Variants in CAST observed in about 807,000 individuals in gnomAD.
The protein encoded by CAST is MIR583 host.
In CAST, 76 loss-of-function variants were observed where a neutral mutation model predicts 119.6. The ratio of observed to expected loss-of-function variants is 0.64; its 90% CI spans 0.53 to 0.77. The LOEUF is 0.77. Ranked by LOEUF, CAST falls within the 30% of genes least tolerant of loss-of-function variation. The pLI is 0.00. For missense variants in CAST, 953 were observed against 946.5 expected, an observed-to-expected ratio of 1.01 and a Z score of -0.09; for synonymous variants, 319 against 331.6, an observed-to-expected ratio of 0.96 and a Z score of 0.41.
At chr5:96,062,525 C>T in the CAST span, among the ~76,000 whole-genome samples, 6 of 152,084 alleles carry the variant, frequency 3.9e-5, no homozygotes, top group Admixed American at 1.3e-4. Flanking sequence ...GTTTAGAGGT[C>T]CTGCTTCTCA....
At chr5:96,668,659 T>G (rs7704167) in intron 1 of CAST, among the ~76,000 whole-genome samples, 1 of 152,050 alleles carries the variant, frequency 6.6e-6, no homozygotes, top group African/African-American at 2.4e-5. Flanking sequence ...ACTGAAAAAT[T>G]AAATTATCTG....
chr5:96,363,816 A>C, the CAST span, among the ~76,000 whole-genome samples: 1 of 152,124 alleles, frequency 6.6e-6, no homozygotes, highest in Non-Finnish European at 1.5e-5. Flanking sequence ...TCCTAATTGA[A>C]TACCCTTTAT....
At chr5:96,134,070 G>T in the CAST span, among the ~76,000 whole-genome samples, 1 of 152,158 alleles carries the variant, frequency 6.6e-6, no homozygotes, top group African/African-American at 2.4e-5. Flanking sequence ...TACAGTGAGG[G>T]AACTAACACC....
At chr5:96,562,819 G>T (rs1173213069) in intron 1 of CAST, among the ~76,000 whole-genome samples, 2 of 152,178 alleles carry the variant, frequency 1.3e-5, no homozygotes, top group Non-Finnish European at 2.9e-5. Context: ...ACAAAATGAG[G>T]CAGCTCACTT....
At chr5:96,498,167 G>T in the CAST span, among the ~76,000 whole-genome samples, 4 of 152,164 alleles carry the variant, frequency 2.6e-5, no homozygotes, top group African/African-American at 9.7e-5. Context: ...AGATCAGATG[G>T]TTGTAGATAT....
chr5:96,756,478 T>A (rs1766353505), intron 22 of CAST, among the ~76,000 whole-genome samples: 1 of 152,214 alleles, frequency 6.6e-6, no homozygotes, highest in African/African-American at 2.4e-5. Flanking sequence ...GATTTCAGAC[T>A]TTTCTGGATT....
the CAST span, among the ~76,000 whole-genome samples, chr5:96,240,175 T>A: frequency 6.6e-6 from 1 of 152,214 alleles, no homozygotes; most frequent in East Asian, 1.9e-4. Flanking sequence ...TGCTTATCAT[T>A]TTTATTTGAG....
At chr5:96,379,971 G>C in the CAST span, among the ~76,000 whole-genome samples, 1 of 152,112 alleles carries the variant, frequency 6.6e-6, no homozygotes. Flanking sequence ...ACCATTTCTG[G>C]TTCAATGTAG....
intron 1 of CAST, among the ~76,000 whole-genome samples, chr5:96,565,900 T>C (rs933998795): frequency 3.3e-5 from 5 of 152,200 alleles, no homozygotes; most frequent in African/African-American, 1.2e-4. Context: ...ACAGGCATAT[T>C]TCCAACTGGC....
chr5:96,425,841 C>T, the CAST span: 363 of 1,597,280 alleles, frequency 2.3e-4, no homozygotes, highest in Non-Finnish European at 2.8e-4. Context: ...GCTGATTCCA[C>T]ATGGGATCAT....
chr5:96,468,136 C>A, the CAST span, among the ~76,000 whole-genome samples: 59 of 152,048 alleles, frequency 3.9e-4, no homozygotes, highest in African/African-American at 1.3e-3. Context: ...GAATGAAAAA[C>A]CAAATGCTGT....
intron 25 of CAST, chr5:96,763,054 C>T (rs3822682): frequency 0.083 from 62,542 of 757,636 alleles, 3,133 homozygotes; most frequent in African/African-American, 0.14. Context: ...TGCCCTAAAC[C>T]AGATCCCCAT....
the CAST span, among the ~76,000 whole-genome samples, chr5:96,395,416 C>G: frequency 6.6e-6 from 1 of 152,114 alleles, no homozygotes; most frequent in African/African-American, 2.4e-5. Context: ...TTAATAAGCC[C>G]TTAAAAATTG....
chr5:96,727,753 C>A (rs1759550566), intron 6 of CAST, among the ~76,000 whole-genome samples: 1 of 151,942 alleles, frequency 6.6e-6, no homozygotes, highest in Non-Finnish European at 1.5e-5. Context: ...TAAATGAAAA[C>A]TATTTCAGAA....
the CAST span, among the ~76,000 whole-genome samples, chr5:96,426,461 C>T: frequency 6.6e-6 from 1 of 152,132 alleles, no homozygotes; most frequent in African/African-American, 2.4e-5. Context: ...GTGCTTCGAC[C>T]TCTGCTTAAA....
chr5:96,758,678 A>G (rs749776163), intron 24 of CAST, among the ~76,000 whole-genome samples: 3 of 152,224 alleles, frequency 2.0e-5, no homozygotes, highest in Non-Finnish European at 4.4e-5. Context: ...GAATGAAGCA[A>G]TAAAGCCCCT....
chr5:96,624,369 A>G (rs1426184315), intron 1 of CAST, among the ~76,000 whole-genome samples: 2 of 152,212 alleles, frequency 1.3e-5, no homozygotes, highest in African/African-American at 4.8e-5. Context: ...TGTGATTCCA[A>G]TCTTGCAAGT....
chr5:96,227,531 G>T, the CAST span, among the ~76,000 whole-genome samples: 1 of 152,142 alleles, frequency 6.6e-6, no homozygotes, highest in African/African-American at 2.4e-5. Flanking sequence ...TCTAGTTAGG[G>T]AAGGGGAGAG....
the CAST span, among the ~76,000 whole-genome samples, chr5:96,189,073 C>A: frequency 6.6e-6 from 1 of 152,180 alleles, no homozygotes; most frequent in African/African-American, 2.4e-5. Context: ...TATCAACAAT[C>A]TTCTCATAGC....
Sources: gnomAD v4.1 joint callset for allele counts (sites outside exome capture counted in the v4.1 genomes callset) on GRCh38, gnomAD v4.1.1 for gene constraint, MANE v1.5 for transcripts, NCBI Gene and HGNC (gene_info 2026-07-23, HGNC 2026-07-21) for gene names.